Variants in ABCB9 observed in about 807,000 individuals in gnomAD.
ABCB9 encodes the protein ATP binding cassette subfamily B member 9, also known as ABC-type oligopeptide transporter ABCB9.
A neutral mutation model predicts 62.0 loss-of-function variants in ABCB9; 36 were observed. That is an observed-to-expected ratio of 0.58 (90% CI 0.45 to 0.77). The LOEUF is 0.77. ABCB9 is among the 30% of genes least tolerant of loss of function. ABCB9 has a pLI of 0.00. For synonymous variants in ABCB9, 435 were observed against 461.4 expected, an observed-to-expected ratio of 0.94 and a Z score of 0.73; for missense variants, 943 against 1,054.7, an observed-to-expected ratio of 0.89 and a Z score of 1.47.
chr12:122,956,387 G>A (rs894581800), intron 2 of ABCB9, among the ~76,000 whole-genome samples: 32 of 152,222 alleles, frequency 2.1e-4, no homozygotes, highest in African/African-American at 7.0e-4. Flanking sequence ...GAGGTAGATC[G>A]TAGGAGTACA....
At chr12:122,943,014 C>T (rs1174223284) in intron 7 of ABCB9, among the ~76,000 whole-genome samples, 1 of 152,130 alleles carries the variant, frequency 6.6e-6, no homozygotes, top group African/African-American at 2.4e-5. Context: ...CCTTTGTCAG[C>T]GCAGCACACA....
In ABCB9 at chr12:122,940,828, C is replaced by G; in HGVS notation, c.1548G>C (p.Arg516=). 1 of 1,598,496 alleles carries G rather than the reference C, an allele frequency of 6.3e-7. No homozygotes were observed. ...FENVTFTYRT[R]PHTQVLQNVS... is the part of the protein sequence containing the mutation. ...TCACCTGCAGGACCTGGGTGTGGGG[C>G]CGAGTGCGGTAGGTGAAGGTCACAT... Residue 516 remains arginine, a synonymous_variant, in exon 8 of 12, where the codon CGG becomes CGC. Coordinates refer to ENST00000280560, the MANE Select transcript of ABCB9 (RefSeq NM_019625.4). This position sits in a 1 kb window ranked among gnomAD's most constrained non-coding sequence, Gnocchi z 4.8.
At chr12:122,969,096 C>T (rs1390212258), upstream of ABCB9, among the ~76,000 whole-genome samples, 1 of 151,760 alleles carries the variant, frequency 6.6e-6, no homozygotes, top group African/African-American at 2.4e-5. Flanking sequence ...GGCTGTCAGC[C>T]TTGTGACAAG....
chr12:122,932,094 G>C lies in ABCB9; in HGVS notation c.2040+98C>G. On this transcript the variant is annotated intron_variant, in intron 11 of 11. Transcript: ENST00000280560. This position sits in a 1 kb window ranked among gnomAD's most constrained non-coding sequence, Gnocchi z 4.7. ...GGCTGATAGTCTGGGAGAGCTCCTGGGGCCCGTCTCTTCTCAGCATCCATC... is the reference window on the plus strand; with the variant it reads ...GGCTGATAGTCTGGGAGAGCTCCTGCGGCCCGTCTCTTCTCAGCATCCATC... 6.5e-7 allele frequency: 1 copy of C among 1,540,662 alleles called. No homozygotes were observed. The highest frequency in any genetic ancestry group is 8.7e-7 in the Non-Finnish European group (1 of 1,143,036).
At chr12:122,942,352 C>T (rs1035032697) in intron 7 of ABCB9, among the ~76,000 whole-genome samples, 5 of 151,954 alleles carry the variant, frequency 3.3e-5, no homozygotes, top group African/African-American at 4.8e-5. Context: ...CTTTGGGAGG[C>T]GGAGGCAGGC....
At chr12:122,943,711 C>T (rs2035887789) in intron 7 of ABCB9, among the ~76,000 whole-genome samples, 1 of 152,012 alleles carries the variant, frequency 6.6e-6, no homozygotes, top group Non-Finnish European at 1.5e-5. Context: ...CTCACTGTAA[C>T]CTCTGCCTCC....
Position 122,960,068 on chromosome 12 carries a change from G to A in ABCB9, c.168C>T (p.Tyr56=), listed in dbSNP as rs2036813713. 1 of 1,613,458 alleles carries A rather than the reference G, an allele frequency of 6.2e-7. No individual in the cohort carries two copies. The highest frequency in any genetic ancestry group is 8.5e-7 in the Non-Finnish European group (1 of 1,180,044). ...SVLDLWAACL[Y]RSCLLLGATI... is the part of the protein sequence containing the mutation. Reference sequence around the variant, plus strand: ...TGGCTCCCAGCAGCAGGCAGCTGCGGTACAGGCAGGCTGCCCAGAGATCCA... The same window carrying A: ...TGGCTCCCAGCAGCAGGCAGCTGCGATACAGGCAGGCTGCCCAGAGATCCA... Residue 56 remains tyrosine, a synonymous_variant, in exon 2 of 12, where the codon TAC becomes TAT. Transcript: ENST00000280560.
At chr12:122,948,965 G>A in intron 4 of ABCB9, 136 bp from the exon 5 acceptor site, 2 of 677,026 alleles carry the variant, frequency 3.0e-6, no homozygotes, top group Non-Finnish European at 2.4e-6. Context: ...GGGGGTGGGG[G>A]AGAAGAGCAG....
At chr12:122,927,533 G>A (rs971688614), downstream of ABCB9, among the ~76,000 whole-genome samples, 1 of 152,222 alleles carries the variant, frequency 6.6e-6, no homozygotes, top group East Asian at 1.9e-4. Flanking sequence ...GTCTCTGGAA[G>A]GTTCTTTTGT....
Position 122,944,484 on chromosome 12 carries a change from G to A in ABCB9, c.1287C>T (p.Tyr429=). 1 of 1,614,084 alleles carries A rather than the reference G, an allele frequency of 6.2e-7. No individual in the cohort carries two copies. The highest frequency in any genetic ancestry group is 8.5e-7 in the Non-Finnish European group (1 of 1,179,982). Residue 429 remains tyrosine, a synonymous_variant, in exon 7 of 12, where the codon TAC becomes TAT. Coordinates refer to ENST00000280560, the MANE Select transcript of ABCB9 (RefSeq NM_019625.4). The surrounding 1 kb of genome is among the most constrained non-coding windows in gnomAD (Gnocchi z 4.9). ...TLLVVQVSIL[Y]YGGHLVISGQ... ...CTGAGATGACAAGGTGGCCCCCGTA[G>A]TAGAGGATGCTGACCTGGACCACCA...
In ABCB9 at chr12:122,942,595, G is replaced by A. The variant is rs150112658; in HGVS notation, c.1381-1600C>T. ...GATTGCACCACTGTACTCCAGCCTG[G>A]GCGACAGAGCAAGACTCCATCTCAA... On this transcript the variant is annotated intron_variant, in intron 7 of 11. Coordinates refer to ENST00000280560, the MANE Select transcript of ABCB9 (RefSeq NM_019625.4). Among the ~76,000 whole-genome samples, 458 of 149,244 alleles carry A rather than the reference G, an allele frequency of 3.1e-3. 3 individuals are homozygous for A. Among genetic ancestry groups the A allele is most frequent in the African/African-American group, 0.011 (445 of 40,292 alleles).
At position 122,921,058 on chromosome 12, in the gene ABCB9, A is replaced by C; in HGVS notation, c.2041-15T>G. On this transcript the variant is annotated splice_polypyrimidine_tract_variant and intron_variant, in intron 11 of 11. Coordinates refer to the ABCB9 transcript ENST00000344275. ...GTCATTCAGATCTAAGAAGATAATA[A>C]ATATGCTTGCTAAATGTCAAAGGAA... 4 of 1,535,334 alleles carry C rather than the reference A, an allele frequency of 2.6e-6. No homozygotes were observed. In the South Asian group the frequency reaches 4.8e-5, roughly 18 times the overall value.
At chr12:122,973,496 G>C (rs1247445244) in intron 1 of ABCB9, among the ~76,000 whole-genome samples, 2 of 131,702 alleles carry the variant, frequency 1.5e-5, no homozygotes, top group African/African-American at 5.8e-5. Context: ...CCCGGGAAGC[G>C]GAGCTTGCAG....
downstream of ABCB9, chr12:122,920,879 C>G: frequency 1.3e-6 from 1 of 758,134 alleles, no homozygotes; most frequent in Non-Finnish European, 2.1e-6. Flanking sequence ...TACCACTGCA[C>G]TCCAGCCTGG....
upstream of ABCB9, among the ~76,000 whole-genome samples, chr12:122,968,693 C>T (rs971083608): frequency 3.5e-5 from 5 of 142,300 alleles, no homozygotes; most frequent in Admixed American, 2.2e-4. Flanking sequence ...AGGCTCACTG[C>T]AGCCTCCACC....
intron 1 of ABCB9, among the ~76,000 whole-genome samples, chr12:122,972,037 C>CTTTTTTTTTTTTTTTT (rs57112984): frequency 3.0e-5 from 3 of 99,270 alleles, no homozygotes. Flanking sequence ...TTCATAATGT[C>CTTTTTTTTTTTTTTTT]TTTTTTTTTT....
At position 122,932,508 on chromosome 12, in the gene ABCB9, G is replaced by A. The variant is rs944621554; in HGVS notation, c.1904-180C>T. Among the ~76,000 whole-genome samples, 1 of 152,230 alleles carries A rather than the reference G, an allele frequency of 6.6e-6. No homozygotes were observed. Among genetic ancestry groups the A allele is most frequent in the Non-Finnish European group, 1.5e-5 (1 of 68,036 alleles). ...AGGGGCATGCAGATTAAGCCTACAT[G>A]CAAATTGATAGCAAGTTACCAATTT... On this transcript the variant is annotated intron_variant, in intron 10 of 11. Transcript: ENST00000280560. This position sits in a 1 kb window ranked among gnomAD's most constrained non-coding sequence, Gnocchi z 4.7.
upstream of ABCB9, among the ~76,000 whole-genome samples, chr12:122,969,557 G>A (rs2037247571): frequency 6.6e-6 from 1 of 152,026 alleles, no homozygotes; most frequent in African/African-American, 2.4e-5. Context: ...GCAACACAGT[G>A]GGACCCAGTT....
chr12:122,943,401 C>T (rs1356683311), intron 7 of ABCB9, among the ~76,000 whole-genome samples: 2 of 152,166 alleles, frequency 1.3e-5, no homozygotes, highest in Non-Finnish European at 2.9e-5. Flanking sequence ...CAATCTAAAA[C>T]ACCCTTGCAT....
Sources: allele counts gnomAD v4.1 joint callset (sites outside exome capture counted in the v4.1 genomes callset), GRCh38; gene constraint gnomAD v4.1.1; non-coding constraint Gnocchi (gnomAD v3.1); transcripts MANE v1.5; gene names NCBI Gene and HGNC (gene_info 2026-07-23, HGNC 2026-07-21).